The following CNTN6 variants were observed in gnomAD, a reference collection of about 807,000 sequenced individuals.
The protein encoded by CNTN6 is contactin-6.
A neutral mutation model predicts 122.8 loss-of-function variants in CNTN6; 137 were observed. The ratio of observed to expected loss-of-function variants is 1.12; its 90% CI spans 0.97 to 1.29. The LOEUF is 1.29. Ranked by LOEUF, CNTN6 falls within the 50% of genes most tolerant of loss-of-function variation. CNTN6 has a pLI of 0.00. For synonymous variants in CNTN6, 570 were observed against 426.0 expected, an observed-to-expected ratio of 1.34 and a Z score of -4.16; for missense variants, 1,634 against 1,223.4, an observed-to-expected ratio of 1.34 and a Z score of -5.01.
intron 20 of CNTN6, among the ~76,000 whole-genome samples, chr3:1,396,459 C>T (rs1235626688): frequency 6.6e-6 from 1 of 152,152 alleles, no homozygotes; most frequent in East Asian, 1.9e-4. Context: ...CCCTGCTCAG[C>T]CATGTACTAT....
chr3:1,104,796 C>T (rs1356414500), intron 1 of CNTN6, among the ~76,000 whole-genome samples: 3 of 152,002 alleles, frequency 2.0e-5, no homozygotes, highest in African/African-American at 7.2e-5. Flanking sequence ...GAAATTAATG[C>T]ATATGTTCTG....
At chr3:1,139,586 A>G (rs904830376) in intron 1 of CNTN6, among the ~76,000 whole-genome samples, 1 of 151,864 alleles carries the variant, frequency 6.6e-6, no homozygotes, top group African/African-American at 2.4e-5. Context: ...TATTGTTTTA[A>G]AAAAAAACTT....
intron 20 of CNTN6, chr3:1,394,595 T>TATCA (rs1332449969): frequency 6.6e-6 from 1 of 152,192 alleles, no homozygotes; most frequent in East Asian, 1.9e-4. Context: ...TATATATATA[T>TATCA]ATCAGAACAT....
intron 2 of CNTN6, among the ~76,000 whole-genome samples, chr3:1,207,615 A>C (rs958739741): frequency 6.6e-6 from 1 of 151,802 alleles, no homozygotes; most frequent in Non-Finnish European, 1.5e-5. Context: ...TCTCCATAGC[A>C]CTCACAACAA....
intron 12 of CNTN6, among the ~76,000 whole-genome samples, chr3:1,357,707 C>T (rs945767725): frequency 6.6e-5 from 10 of 151,874 alleles, no homozygotes; most frequent in Non-Finnish European, 1.5e-4. Context: ...AGTATAGTAA[C>T]ATGCAGATAT....
intron 2 of CNTN6, among the ~76,000 whole-genome samples, chr3:1,178,421 C>T (rs2093492330): frequency 6.6e-6 from 1 of 152,132 alleles, no homozygotes; most frequent in African/African-American, 2.4e-5. Context: ...TCCTAGATTT[C>T]TACTTGATTT....
intron 2 of CNTN6, among the ~76,000 whole-genome samples, chr3:1,202,448 G>A (rs1051054649): frequency 6.7e-6 from 1 of 150,246 alleles, no homozygotes; most frequent in Non-Finnish European, 1.5e-5. Context: ...GCTGAGGCGG[G>A]AGAATGGCGG....
At chr3:1,300,599 AAGAAAGAG>A (rs984981885) in intron 7 of CNTN6, among the ~76,000 whole-genome samples, 12 of 120,216 alleles carry the variant, frequency 1.0e-4, no homozygotes, top group East Asian at 2.0e-4. Context: ...GAAAGAAAGA[AAGAAAGAG>A]AGAAAGAAAG....
chr3:1,274,742 T>G lies in CNTN6; in HGVS notation c.359-3671T>G, dbSNP rs1352511494. Among the ~76,000 whole-genome samples the G allele has an allele frequency of 2.0e-5, 3 of 152,200 alleles. No homozygotes were observed. In the South Asian group the frequency reaches 6.2e-4, roughly 31 times the overall value. ...ACTTGTATTTTTAGATTAGTGTATC[T>G]GAACTTTGTATCAGTCAGAGGAAAA... On this transcript the variant is annotated intron_variant, in intron 4 of 22. Transcript: ENST00000446702.
At chr3:1,362,160 G>A (rs894121142) in intron 12 of CNTN6, among the ~76,000 whole-genome samples, 28 of 152,112 alleles carry the variant, frequency 1.8e-4, no homozygotes, top group African/African-American at 9.6e-5. Flanking sequence ...TATCAGTTTC[G>A]GACCAGCTTC....
intron 7 of CNTN6, among the ~76,000 whole-genome samples, chr3:1,304,987 C>CAAAAAA (rs4065396): frequency 3.9e-5 from 4 of 103,292 alleles, no homozygotes; most frequent in South Asian, 3.3e-4. Flanking sequence ...GAGACTCTGT[C>CAAAAAA]AAAAAAAAAA....
Position 1,383,299 on chromosome 3 carries a change from A to G in CNTN6, c.2408A>G (p.Gln803Arg), listed in dbSNP as rs971160562. 1 of 1,613,674 alleles carries G rather than the reference A, an allele frequency of 6.2e-7. No homozygotes were observed. The highest frequency in any genetic ancestry group is 1.3e-5 in the African/African-American group (1 of 75,030). ...TIVYSGEDEP[Q>R]LAPRGTSLQS... The stretch of plus-strand genomic sequence containing the variant: ...GTCTTTCTCTGGATGGTAGAACCTC[A>G]ACTGGCCCCAAGGGGAACTTCTCTC... Residue 803 changes from glutamine (Q) to arginine (R), a missense_variant, in exon 19 of 23, where the codon CAA becomes CGA. By Grantham distance (43) the Gln-to-Arg change is conservative. Transcript: ENST00000446702.
rs201216297 is a variant in CNTN6, at chr3:1,161,440, GTAAT to G, written c.55+13384_55+13387del. ...GAAAATCAATTGACTTATGGAATTT[GTAAT>G]TAATTATGATATTATATATTTTATT... On this transcript the variant is annotated intron_variant, in intron 2 of 22. Coordinates refer to ENST00000446702, the MANE Select transcript of CNTN6 (RefSeq NM_001289080.2). Among the ~76,000 whole-genome samples, 974 of 150,960 alleles carry G rather than the reference GTAAT, an allele frequency of 6.5e-3. 21 individuals are homozygous for G. Among genetic ancestry groups the G allele is most frequent in the African/African-American group, 0.022 (915 of 41,334 alleles).
chr3:1,095,535 A>C (rs1490289870), intron 1 of CNTN6, among the ~76,000 whole-genome samples: 2 of 152,198 alleles, frequency 1.3e-5, no homozygotes, highest in Non-Finnish European at 2.9e-5. Context: ...TTGATTTTAG[A>C]TTTTAATTAA....
chr3:1,383,759 A>C (rs1417055626), intron 19 of CNTN6, among the ~76,000 whole-genome samples: 2 of 152,160 alleles, frequency 1.3e-5, no homozygotes. Context: ...TAAGAGCAGC[A>C]GCTTGGAAGC....
rs2094197258 is a variant in CNTN6, at chr3:1,220,778, T to C, written c.147T>C (p.Asn49=). The C allele has an allele frequency of 6.2e-7, 1 of 1,612,718 alleles. No homozygotes were observed. The highest frequency in any genetic ancestry group is 1.3e-5 in the African/African-American group (1 of 74,914). ...LDLSKSEVIL[N]CAANGYPSPH... Reference sequence around the variant, plus strand: ...TATCAAAATCTGAGGTCATCCTGAATTGTGCTGCTAATGGTTACCCTTCGC... The same window carrying C: ...TATCAAAATCTGAGGTCATCCTGAACTGTGCTGCTAATGGTTACCCTTCGC... Residue 49 remains asparagine (N), a synonymous_variant, in exon 3 of 23, where the codon AAT becomes AAC. Transcript: ENST00000446702.
intron 20 of CNTN6, among the ~76,000 whole-genome samples, chr3:1,388,498 C>T (rs1200709049): frequency 8.6e-5 from 13 of 151,760 alleles, no homozygotes; most frequent in African/African-American, 3.2e-4. Flanking sequence ...CTCTAAAACG[C>T]AGAGCGCCTC....
intron 2 of CNTN6, among the ~76,000 whole-genome samples, chr3:1,162,253 T>C (rs1451959932): frequency 1.3e-5 from 2 of 151,544 alleles, no homozygotes. Flanking sequence ...GAAACAATAA[T>C]GATTTCTTTA....
intron 12 of CNTN6, among the ~76,000 whole-genome samples, chr3:1,364,050 G>A (rs560980822): frequency 9.6e-4 from 146 of 152,008 alleles, no homozygotes; most frequent in African/African-American, 3.5e-3. Flanking sequence ...CTATTTGTAT[G>A]TCTTCTTTGG....
Sources: gnomAD v4.1 joint callset for allele counts (sites outside exome capture counted in the v4.1 genomes callset) on GRCh38, gnomAD v4.1.1 for gene constraint, MANE v1.5 for transcripts, NCBI Gene and HGNC (gene_info 2026-07-23, HGNC 2026-07-21) for gene names.